The following GNPTG variants were observed in gnomAD, a reference collection of about 807,000 sequenced individuals.
The protein encoded by GNPTG is N-acetylglucosamine-1-phosphotransferase subunit gamma.
GNPTG carries 46 observed loss-of-function variants against 43.8 expected under a neutral mutation model. The ratio of observed to expected loss-of-function variants is 1.05; its 90% CI spans 0.83 to 1.34. GNPTG has a LOEUF of 1.34. Ranked by LOEUF, GNPTG falls within the 40% of genes most tolerant of loss-of-function variation. The pLI, the probability that GNPTG is intolerant of heterozygous loss-of-function variation, is 0.00. For synonymous variants in GNPTG, 250 were observed against 172.8 expected (o/e 1.45, Z -3.50); for missense variants, 549 against 411.3 (o/e 1.33, Z -2.90).
chr16:1,352,322 T>A lies in GNPTG; in HGVS notation c.178+16T>A. 6.5e-7 allele frequency: 1 copy of A among 1,548,126 alleles called. No individual in the cohort carries two copies. Among genetic ancestry groups the A allele is most frequent in the Non-Finnish European group, 8.7e-7 (1 of 1,146,704 alleles). The stretch of plus-strand genomic sequence containing the variant: ...CCCGTGTCTGGTGAGTGAGGAGCGC[T>A]GTTGGCCGGCGCGGGGGTGGCCGCG... On this transcript the variant is annotated intron_variant, in intron 3 of 10. Transcript: ENST00000204679.
chr16:1,352,089 T>C lies in GNPTG; in HGVS notation c.53-13T>C, dbSNP rs2034694517. ...CACCCCGGCCTCCCCGCTCACGGTC[T>C]CGCTCCCCGTAGGGCCCGCGCCGGC... On this transcript the variant is annotated splice_polypyrimidine_tract_variant and intron_variant, in intron 1 of 10. Coordinates refer to ENST00000204679, the MANE Select transcript of GNPTG (RefSeq NM_032520.5). The C allele has an allele frequency of 6.4e-6, 10 of 1,559,552 alleles. No homozygotes were observed. The highest frequency in any genetic ancestry group is 1.9e-5 in the Admixed American group (1 of 52,188).
chr16:1,363,025 C>T lies in GNPTG; in HGVS notation c.852C>T (p.His284=), dbSNP rs374511482. The change falls in exon 11 of 11, where the codon CAC becomes CAT. Residue 284 remains histidine, a synonymous_variant. Coordinates refer to ENST00000204679, the MANE Select transcript of GNPTG (RefSeq NM_032520.5). The stretch of plus-strand genomic sequence containing the variant: ...CTTCCAACTTGGAGCACTTGGGCCA[C>T]GAGACGCCCAGAGCCAAGTCTCCAG... ...TETSNLEHLG[H]ETPRAKSPEQ... 3.5e-5 allele frequency: 56 copies of T among 1,614,026 alleles called. No homozygotes were observed. The African/African-American group carries it at 4.9e-4, about 14-fold the overall frequency.
intron 9 of GNPTG, 26 bp downstream of exon 9, chr16:1,362,768 C>T: frequency 6.2e-7 from 1 of 1,614,088 alleles, no homozygotes; most frequent in Non-Finnish European, 8.5e-7. Flanking sequence ...GAGGTGGTGG[C>T]ACGCAGTAGC....
chr16:1,354,202 G>A (rs1227270880), intron 3 of GNPTG, among the ~76,000 whole-genome samples: 1 of 152,128 alleles, frequency 6.6e-6, no homozygotes, highest in Non-Finnish European at 1.5e-5. Flanking sequence ...CTGTGTAACA[G>A]CGCAGTTCCC....
In GNPTG at chr16:1,363,653, C is replaced by T. The variant is rs1384873436; in HGVS notation, c.*562C>T. The T allele has an allele frequency of 5.3e-6, 1 of 186,956 alleles. No individual in the cohort carries two copies. The highest frequency in any genetic ancestry group is 1.5e-4 in the East Asian group (1 of 6,896). 11.6% of individuals were successfully genotyped at this position (186,956 alleles called of 1,614,324 possible). On this transcript the variant is annotated 3_prime_UTR_variant, in exon 11 of 11. Transcript: ENST00000204679. ...CACCTCAGCCTCCACGGGGCACCTT[C>T]CAGCCACTGCTGTGCCTCAGCCACC...
chr16:1,354,932 C>T (rs1444917292), intron 3 of GNPTG, among the ~76,000 whole-genome samples: 2 of 151,544 alleles, frequency 1.3e-5, no homozygotes, highest in Non-Finnish European at 2.9e-5. Flanking sequence ...TCTCCCACGT[C>T]TGTGGGGTGG....
intron 3 of GNPTG, among the ~76,000 whole-genome samples, chr16:1,360,242 G>C (rs972645618): frequency 6.6e-6 from 1 of 152,178 alleles, no homozygotes; most frequent in African/African-American, 2.4e-5. Flanking sequence ...TCTTAAAATA[G>C]TTTCAGCCAC....
intron 3 of GNPTG, among the ~76,000 whole-genome samples, chr16:1,360,399 G>A (rs374941950): frequency 1.3e-5 from 2 of 152,134 alleles, no homozygotes; most frequent in East Asian, 3.8e-4. Flanking sequence ...CAAGGTGGAC[G>A]GATCACTTCA....
Position 1,352,299 on chromosome 16 carries a change from CGTG to C in GNPTG, c.172_174del (p.Val58del), listed in dbSNP as rs2034699703. 6.5e-7 allele frequency: 1 copy of C among 1,548,154 alleles called. No individual in the cohort carries two copies. The highest frequency in any genetic ancestry group is 1.4e-5 in the African/African-American group (1 of 72,974). On this transcript the variant is annotated inframe_deletion, in exon 3 of 11. Coordinates refer to ENST00000204679, the MANE Select transcript of GNPTG (RefSeq NM_032520.5). ...TCCAGGCCAAGAGGGATCCTTCACCCGTGTCTGGTGAGTGAGGAGCGCTGTTGG... is the reference window on the plus strand; with the variant it reads ...TCCAGGCCAAGAGGGATCCTTCACCCTCTGGTGAGTGAGGAGCGCTGTTGG...
At position 1,363,188 on chromosome 16, in the gene GNPTG, A is replaced by T. The variant is rs1300006236; in HGVS notation, c.*97A>T. The T allele has an allele frequency of 3.0e-6, 3 of 992,966 alleles. No individual in the cohort carries two copies. In the African/African-American group the frequency reaches 4.8e-5, roughly 16 times the overall value. 61.5% of individuals were successfully genotyped at this position (992,966 alleles called of 1,614,324 possible). The stretch of plus-strand genomic sequence containing the variant: ...GGACCAGCTGACCAGGCTTGTGCTC[A>T]GAGAAGCAGACAAAACAAAGATTCA... On this transcript the variant is annotated 3_prime_UTR_variant, in exon 11 of 11. Coordinates refer to ENST00000204679, the MANE Select transcript of GNPTG (RefSeq NM_032520.5).
At chr16:1,357,366 A>T (rs1483022248) in intron 3 of GNPTG, among the ~76,000 whole-genome samples, 1 of 152,188 alleles carries the variant, frequency 6.6e-6, no homozygotes, top group Non-Finnish European at 1.5e-5. Context: ...CAGTGGCATT[A>T]GCCTCTGCCC....
At chr16:1,352,523 G>A in intron 3 of GNPTG, 1 of 610,992 alleles carries the variant, frequency 1.6e-6, no homozygotes, top group Non-Finnish European at 2.9e-6. Context: ...TTTCCGAGAG[G>A]TAACTGCTGT....
rs757318601 is a variant in GNPTG, at chr16:1,361,869, C to T, written c.234-3C>T. 2 of 1,613,944 alleles carry T rather than the reference C, an allele frequency of 1.2e-6. No individual in the cohort carries two copies. Among genetic ancestry groups the T allele is most frequent in the Admixed American group, 3.3e-5 (2 of 60,030 alleles). Reference sequence around the variant, plus strand: ...ACCCCCCTCATGCCATCTGTGTCCCCAGGTACAAGTATGAGTTCTGCCCGT... The same window carrying T: ...ACCCCCCTCATGCCATCTGTGTCCCTAGGTACAAGTATGAGTTCTGCCCGT... On this transcript the variant is annotated splice_polypyrimidine_tract_variant and splice_region_variant and intron_variant, in intron 4 of 10. Coordinates refer to ENST00000204679, the MANE Select transcript of GNPTG (RefSeq NM_032520.5).
chr16:1,357,265 G>C (rs1283205694), intron 3 of GNPTG, among the ~76,000 whole-genome samples: 1 of 152,128 alleles, frequency 6.6e-6, no homozygotes, highest in African/African-American at 2.4e-5. Context: ...TGGCCATCTT[G>C]GTCTCCATCT....
intron 3 of GNPTG, chr16:1,357,636 CCTGAGTAGCTGGGA>C (rs2034802014): frequency 6.5e-6 from 1 of 152,790 alleles, no homozygotes; most frequent in Non-Finnish European, 1.5e-5. Flanking sequence ...GCCTCAGCCT[CCTGAGTAGCTGGGA>C]CTACAGGCGC....
At chr16:1,357,583 G>C (rs545909820) in intron 3 of GNPTG, 1 of 152,194 alleles carries the variant, frequency 6.6e-6, no homozygotes, top group African/African-American at 2.4e-5. Context: ...GCGCGATCTC[G>C]GCTCAGTGCC....
At chr16:1,358,953 C>T (rs954409154) in intron 3 of GNPTG, 5 of 152,054 alleles carry the variant, frequency 3.3e-5, no homozygotes, top group Non-Finnish European at 7.3e-5. Context: ...GCTCTGCCTC[C>T]CAGGCTCAGG....
rs369333639 is a variant in GNPTG, at chr16:1,361,864, G to A, written c.234-8G>A. On this transcript the variant is annotated splice_polypyrimidine_tract_variant and splice_region_variant and intron_variant, in intron 4 of 10. Coordinates refer to ENST00000204679, the MANE Select transcript of GNPTG (RefSeq NM_032520.5). ...TGCGGACCCCCCTCATGCCATCTGT[G>A]TCCCCAGGTACAAGTATGAGTTCTG... 6.2e-7 allele frequency: 1 copy of A among 1,613,938 alleles called. No homozygotes were observed. Among genetic ancestry groups the A allele is most frequent in the East Asian group, 2.2e-5 (1 of 44,872 alleles).
intron 3 of GNPTG, among the ~76,000 whole-genome samples, chr16:1,357,389 G>T (rs916980065): frequency 1.1e-4 from 17 of 152,202 alleles, no homozygotes; most frequent in Non-Finnish European, 2.2e-4. Context: ...CGGGGGCGGG[G>T]GCCAGGCTGA....
Sources: allele counts gnomAD v4.1 joint callset (sites outside exome capture counted in the v4.1 genomes callset), GRCh38; gene constraint gnomAD v4.1.1; transcripts MANE v1.5; gene names NCBI Gene and HGNC (gene_info 2026-07-23, HGNC 2026-07-21).